Variants in EPB41L1 observed in about 807,000 individuals in gnomAD.
EPB41L1 encodes erythrocyte membrane protein band 4.1 like 1.
EPB41L1 carries 29 observed loss-of-function variants against 97.8 expected under a neutral mutation model. The ratio of observed to expected loss-of-function variants is 0.30; its 90% CI spans 0.22 to 0.40. The LOEUF (loss-of-function observed/expected upper bound fraction) is 0.40, where lower values mean the gene tolerates loss of function less well. Among genes scored for constraint, EPB41L1 ranks in the 10% least tolerant of loss-of-function variants. EPB41L1 has a pLI of 1.00. For synonymous variants in EPB41L1, 383 were observed against 459.2 expected (o/e 0.83, Z 2.12); for missense variants, 812 against 1,162.3 (o/e 0.70, Z 4.38).
At chr20:36,132,350 T>C (rs1224877987) in intron 2 of EPB41L1, among the ~76,000 whole-genome samples, 2 of 151,970 alleles carry the variant, frequency 1.3e-5, no homozygotes, top group African/African-American at 2.4e-5. Flanking sequence ...GCTGGGTCCC[T>C]CCCACCTCTG....
At chr20:36,158,457 G>A (rs2060401663) in intron 1 of EPB41L1, among the ~76,000 whole-genome samples, 1 of 152,188 alleles carries the variant, frequency 6.6e-6, no homozygotes, top group African/African-American at 2.4e-5. Context: ...ATGGTTGAAG[G>A]GGGAAGGGCA....
At chr20:36,101,629 C>T (rs1318565996) in intron 1 of EPB41L1, among the ~76,000 whole-genome samples, 1 of 152,128 alleles carries the variant, frequency 6.6e-6, no homozygotes, top group Admixed American at 6.5e-5. Context: ...CCATTCCCCT[C>T]CCTCCTAGGG....
At chr20:36,097,484 CATTATTGCTACTCCACA>C (rs1257796514) in intron 1 of EPB41L1, among the ~76,000 whole-genome samples, 1 of 152,178 alleles carries the variant, frequency 6.6e-6, no homozygotes, top group African/African-American at 2.4e-5. Context: ...CTATTATGAC[CATTATTGCTACTCCACA>C]ATTCAGCTCA....
At chr20:36,222,043 G>T in intron 20 of EPB41L1, 99 bp downstream of exon 20, 1 of 1,297,894 alleles carries the variant, frequency 7.7e-7, no homozygotes. Flanking sequence ...GGGCAGAGAA[G>T]GTGTCCACTT....
At chr20:36,115,172 T>A (rs1457442529) in intron 2 of EPB41L1, among the ~76,000 whole-genome samples, 2 of 152,194 alleles carry the variant, frequency 1.3e-5, no homozygotes, top group Non-Finnish European at 2.9e-5. Context: ...TTCCCCATAT[T>A]ATCGATGAGG....
At chr20:36,186,965 G>A (rs2061709187) in intron 7 of EPB41L1, among the ~76,000 whole-genome samples, 1 of 152,174 alleles carries the variant, frequency 6.6e-6, no homozygotes, top group Admixed American at 6.5e-5. Flanking sequence ...TCATAGCAGT[G>A]TGACCTTGGA....
At position 36,222,399 on chromosome 20, in the gene EPB41L1, G is replaced by A; in HGVS notation, c.2637+5G>A. On this transcript the variant is annotated splice_donor_5th_base_variant and intron_variant, in intron 21 of 21. Transcript: ENST00000338074. ...GAGAGGGACAAGAAGCCACAGGTAA[G>A]GCTCCTGAGGCCCAGCAACCATGAG... 6.2e-7 allele frequency: 1 copy of A among 1,604,616 alleles called. No homozygotes were observed. Among genetic ancestry groups the A allele is most frequent in the Non-Finnish European group, 8.5e-7 (1 of 1,171,742 alleles).
chr20:36,201,548 G>A (rs956702898), intron 14 of EPB41L1, among the ~76,000 whole-genome samples: 1 of 152,186 alleles, frequency 6.6e-6, no homozygotes, highest in Non-Finnish European at 1.5e-5. Context: ...TCCGGCCTGC[G>A]TCTTCTCTGA....
At chr20:36,159,326 T>C (rs2060437784) in intron 1 of EPB41L1, among the ~76,000 whole-genome samples, 1 of 152,206 alleles carries the variant, frequency 6.6e-6, no homozygotes, top group African/African-American at 2.4e-5. Context: ...TGTCCAACAA[T>C]AGGAAGATGA....
intron 1 of EPB41L1, among the ~76,000 whole-genome samples, chr20:36,109,512 C>T (rs1031616819): frequency 5.3e-5 from 8 of 152,122 alleles, no homozygotes; most frequent in Non-Finnish European, 1.2e-4. Flanking sequence ...GCTGTTGCCA[C>T]GACAGTACTG....
At chr20:36,213,146 C>G (rs756248246) in intron 16 of EPB41L1, among the ~76,000 whole-genome samples, 2 of 152,098 alleles carry the variant, frequency 1.3e-5, no homozygotes, top group Non-Finnish European at 2.9e-5. Context: ...ATCTGTAATC[C>G]CAGCACTTTG....
intron 6 of EPB41L1, among the ~76,000 whole-genome samples, chr20:36,184,751 G>A (rs1159329765): frequency 6.6e-6 from 1 of 152,192 alleles, no homozygotes; most frequent in African/African-American, 2.4e-5. Flanking sequence ...CCTCTAAAGT[G>A]TGAATTTTTC....
At chr20:36,109,296 T>A (rs923289339) in intron 1 of EPB41L1, among the ~76,000 whole-genome samples, 7 of 152,206 alleles carry the variant, frequency 4.6e-5, no homozygotes, top group African/African-American at 1.7e-4. Context: ...TGGGTCCTCA[T>A]CCTGGCCACG....
chr20:36,136,607 A>G (rs1389970196), intron 2 of EPB41L1, among the ~76,000 whole-genome samples: 1 of 146,524 alleles, frequency 6.8e-6, no homozygotes, highest in Non-Finnish European at 1.5e-5. Flanking sequence ...TTTTTTAGAG[A>G]TGGTGTCTCG....
chr20:36,222,150 G>A, intron 20 of EPB41L1, 128 bp from the exon 21 acceptor site: 1 of 1,000,026 alleles, frequency 1.0e-6, no homozygotes, highest in Non-Finnish European at 1.6e-6. Flanking sequence ...TCTCCCTTTA[G>A]TTGTTTGACT....
chr20:36,190,455 G>C lies in EPB41L1; in HGVS notation c.1124+81G>C. The C allele has an allele frequency of 6.5e-7, 1 of 1,541,966 alleles. No homozygotes were observed. Among genetic ancestry groups the C allele is most frequent in the Non-Finnish European group, 8.9e-7 (1 of 1,126,114 alleles). ...GGGGAGCAGGGGGAGGAGTTAGTGA[G>C]AACTCTAGGAAAGTCCTCCACCCTT... On this transcript the variant is annotated intron_variant, in intron 10 of 21. Coordinates refer to ENST00000338074, the MANE Select transcript of EPB41L1 (RefSeq NM_012156.2). This position sits in a 1 kb window ranked among gnomAD's most constrained non-coding sequence, Gnocchi z 5.8.
intron 16 of EPB41L1, among the ~76,000 whole-genome samples, chr20:36,213,052 A>G (rs1253576717): frequency 6.6e-6 from 1 of 152,180 alleles, no homozygotes; most frequent in African/African-American, 2.4e-5. Context: ...TCCTGGCCAG[A>G]AGAGCTACAA....
At chr20:36,123,432 G>A (rs2058833529) in intron 2 of EPB41L1, among the ~76,000 whole-genome samples, 1 of 150,986 alleles carries the variant, frequency 6.6e-6, no homozygotes, top group Non-Finnish European at 1.5e-5. Flanking sequence ...TTTAAGTTCT[G>A]GTTTTTTTGT....
chr20:36,116,493 A>G (rs1275955878), intron 2 of EPB41L1, among the ~76,000 whole-genome samples: 1 of 152,188 alleles, frequency 6.6e-6, no homozygotes, highest in Non-Finnish European at 1.5e-5. Context: ...TGAGGTGGGC[A>G]GGCCCTATCT....
Sources: allele counts gnomAD v4.1 joint callset (sites outside exome capture counted in the v4.1 genomes callset), GRCh38; gene constraint gnomAD v4.1.1; non-coding constraint Gnocchi (gnomAD v3.1); transcripts MANE v1.5; gene names NCBI Gene and HGNC (gene_info 2026-07-23, HGNC 2026-07-21).